Variants in FBXO28 observed in about 807,000 individuals in gnomAD.
The protein encoded by FBXO28 is F-box only protein 28.
FBXO28 carries 8 observed loss-of-function variants against 38.1 expected under a neutral mutation model. The ratio of observed to expected loss-of-function variants is 0.21; its 90% CI spans 0.12 to 0.38. The LOEUF is 0.38. Among genes scored for constraint, FBXO28 ranks in the 10% least tolerant of loss-of-function variants. The pLI, the probability that FBXO28 is intolerant of heterozygous loss-of-function variation, is 1.00. For synonymous variants in FBXO28, 168 were observed against 173.8 expected (o/e 0.97, Z 0.26); for missense variants, 345 against 460.6 (o/e 0.75, Z 2.30).
At chr1:224,121,123 A>G (rs528159825) in intron 1 of FBXO28, among the ~76,000 whole-genome samples, 1 of 152,208 alleles carries the variant, frequency 6.6e-6, no homozygotes, top group Non-Finnish European at 1.5e-5. Flanking sequence ...ATCTGAAGCC[A>G]GTATGTAATT....
intron 3 of FBXO28, among the ~76,000 whole-genome samples, chr1:224,146,726 G>T (rs80181541): frequency 8.9e-6 from 1 of 112,504 alleles, no homozygotes; most frequent in South Asian, 2.5e-4. Flanking sequence ...TTTTTTTTGG[G>T]AGACTGAGTC....
At chr1:224,125,468 T>C (rs1297174618) in intron 1 of FBXO28, among the ~76,000 whole-genome samples, 3 of 152,164 alleles carry the variant, frequency 2.0e-5, no homozygotes, top group Non-Finnish European at 4.4e-5. Context: ...TTTATTTCAC[T>C]ATCTCCAGTG....
intron 1 of FBXO28, among the ~76,000 whole-genome samples, chr1:224,127,206 GTGTT>G (rs1475085600): frequency 8.7e-5 from 13 of 150,050 alleles, no homozygotes; most frequent in Admixed American, 1.3e-4. Context: ...GTGTGTGTGT[GTGTT>G]TATGTTTGGC....
At chr1:224,151,797 C>T (rs1173277899) in intron 3 of FBXO28, among the ~76,000 whole-genome samples, 5 of 152,132 alleles carry the variant, frequency 3.3e-5, no homozygotes, top group African/African-American at 1.2e-4. Flanking sequence ...AATCCCAGCA[C>T]TTTGGGAGGC....
chr1:224,144,525 G>A (rs528816046), intron 3 of FBXO28, among the ~76,000 whole-genome samples: 4 of 152,084 alleles, frequency 2.6e-5, no homozygotes, highest in South Asian at 4.1e-4. Context: ...TTTGGGAGGC[G>A]GAGGTGTGTG....
chr1:224,119,148 T>TTTTC, intron 1 of FBXO28, among the ~76,000 whole-genome samples: 1 of 146,366 alleles, frequency 6.8e-6, no homozygotes, highest in East Asian at 2.0e-4. Context: ...TTTTTTTTTT[T>TTTTC]TTTTTGACGG....
chr1:224,148,072 AAAAT>A (rs1657553325), intron 3 of FBXO28, among the ~76,000 whole-genome samples: 1 of 152,216 alleles, frequency 6.6e-6, no homozygotes, highest in South Asian at 2.1e-4. Context: ...CCATTTGACT[AAAAT>A]AATCTCTATA....
At chr1:224,139,539 C>T (rs1327730387) in intron 3 of FBXO28, among the ~76,000 whole-genome samples, 2 of 151,822 alleles carry the variant, frequency 1.3e-5, no homozygotes, top group Non-Finnish European at 2.9e-5. Context: ...ATCGAGAGAT[C>T]GAGACCAGCC....
At position 224,136,101 on chromosome 1, in the gene FBXO28, G is replaced by GTTTTTTTTTTTTTT. The variant is rs397982996; in HGVS notation, c.516+1896_516+1909dup. Among the ~76,000 whole-genome samples the GTTTTTTTTTTTTTT allele has an allele frequency of 1.2e-3, 91 of 75,130 alleles. 15 individuals are homozygous for GTTTTTTTTTTTTTT. The highest frequency in any genetic ancestry group is 3.3e-3 in the African/African-American group (59 of 17,990). 49.3% of individuals were successfully genotyped at this position (75,130 alleles called of 152,430 possible). On this transcript the variant is annotated intron_variant, in intron 3 of 4. Transcript: ENST00000366862. ...TTTTGGAAACCATTTGTTGACTTCA[G>GTTTTTTTTTTTTTT]TTTTTTTTTTTTTTTTTTTTGAGAT...
rs57616453 is a variant in FBXO28 at position 224,152,925 on chromosome 1, CAAAAAAAAAAAAAAA to C, written c.517-203_517-189del. ...TTGGGCAACGAGTGAAACTCTGTCT[CAAAAAAAAAAAAAAA>C]AAAAAAAAAAAAAGTACTGTAACAA... On this transcript the variant is annotated intron_variant, in intron 3 of 4. Transcript: ENST00000366862. Among the ~76,000 whole-genome samples the C allele has an allele frequency of 1.5e-3, 97 of 64,912 alleles. 1 individual carries two copies. In the Admixed American group the frequency reaches 0.021, roughly 14 times the overall value. 42.6% of individuals were successfully genotyped at this position (64,912 alleles called of 152,430 possible). A position where few individuals can be genotyped will look rare whatever the true frequency, so the allele number is the denominator to read the frequency against.
intron 3 of FBXO28, among the ~76,000 whole-genome samples, chr1:224,143,844 A>AAG (rs1158301377): frequency 6.6e-6 from 1 of 150,806 alleles, no homozygotes; most frequent in Admixed American, 6.6e-5. Context: ...TCAAAAAAAA[A>AAG]AAAAAGAAAA....
rs533299037 is a variant in FBXO28, at chr1:224,152,711, C to A, written c.517-431C>A. On this transcript the variant is annotated intron_variant, in intron 3 of 4. Transcript: ENST00000366862. ...TTTGGGAGGCCGAGGTGGGTGGATC[C>A]TGAGGTCAAGAGTTTGAGACCAACC... Among the ~76,000 whole-genome samples, 10 of 151,978 alleles carry A rather than the reference C, an allele frequency of 6.6e-5. No individual in the cohort carries two copies. In the South Asian group the frequency reaches 1.2e-3, roughly 19 times the overall value.
chr1:224,148,856 T>TC, intron 3 of FBXO28, among the ~76,000 whole-genome samples: 1 of 162 alleles, frequency 6.2e-3, no homozygotes, highest in Non-Finnish European at 0.019. Flanking sequence ...TGTTGAAATT[T>TC]ACTTACTAAT....
Position 224,159,872 on chromosome 1 carries a change from A to T in FBXO28, c.*2126A>T, listed in dbSNP as rs1657860058. 1 of 152,218 alleles carries T rather than the reference A, an allele frequency of 6.6e-6. No homozygotes were observed. Among genetic ancestry groups the T allele is most frequent in the Non-Finnish European group, 1.5e-5 (1 of 68,040 alleles). The allele number at this position is 152,218 out of a possible 1,614,324, so 9.4% of individuals were successfully genotyped here. A position where few individuals can be genotyped will look rare whatever the true frequency, so the allele number is the denominator to read the frequency against. On this transcript the variant is annotated 3_prime_UTR_variant, in exon 5 of 5. Transcript: ENST00000366862. ...CTACATCTAGATAGCCTAAACATCT[A>T]TGTAGTCTTCCATTAGTTAACATGT...
intron 1 of FBXO28, among the ~76,000 whole-genome samples, chr1:224,121,685 G>A (rs1274297923): frequency 6.6e-6 from 1 of 151,818 alleles, no homozygotes; most frequent in Non-Finnish European, 1.5e-5. Flanking sequence ...CTTTGAGACA[G>A]TCTCAAGGCT....
At chr1:224,115,746 C>T (rs1037849149) in intron 1 of FBXO28, among the ~76,000 whole-genome samples, 5 of 152,190 alleles carry the variant, frequency 3.3e-5, no homozygotes, top group South Asian at 2.1e-4. Flanking sequence ...AATCAAAATT[C>T]GCGCTGTACA....
At chr1:224,141,671 TG>T (rs1553290955) in intron 3 of FBXO28, among the ~76,000 whole-genome samples, 1 of 40,366 alleles carries the variant, frequency 2.5e-5, no homozygotes, top group African/African-American at 5.1e-5. Context: ...GTTACCGTAC[TG>T]ACTATTGTAG....
chr1:224,115,949 T>C (rs989656465), intron 1 of FBXO28, among the ~76,000 whole-genome samples: 2 of 152,240 alleles, frequency 1.3e-5, no homozygotes, highest in African/African-American at 4.8e-5. Context: ...CAGCCTGTCC[T>C]AACTAGAGTT....
chr1:224,119,081 C>G (rs1441666723), intron 1 of FBXO28, among the ~76,000 whole-genome samples: 2 of 151,678 alleles, frequency 1.3e-5, no homozygotes, highest in Non-Finnish European at 2.9e-5. Flanking sequence ...AGGACCACTG[C>G]TCTGTATTGC....
Sources: allele counts gnomAD v4.1 joint callset (sites outside exome capture counted in the v4.1 genomes callset), GRCh38; gene constraint gnomAD v4.1.1; transcripts MANE v1.5; gene names NCBI Gene and HGNC (gene_info 2026-07-23, HGNC 2026-07-21).